The following CLDN18 variants were observed in gnomAD, a reference collection of about 807,000 sequenced individuals.
CLDN18 encodes the protein claudin 18.
Under a neutral mutation model 25.0 loss-of-function variants are expected in CLDN18, and 20 were observed. The ratio of observed to expected loss-of-function variants is 0.80; its 90% confidence interval spans 0.56 to 1.16. The LOEUF (loss-of-function observed/expected upper bound fraction) is 1.16. Among genes scored for constraint, CLDN18 ranks in the 50% most tolerant of loss-of-function variants. The pLI is 0.00. For synonymous variants in CLDN18, 125 were observed against 135.6 expected (o/e 0.92, Z 0.54); for missense variants, 297 against 345.4 (o/e 0.86, Z 1.11).
rs1942030230 is a variant in CLDN18, at chr3:138,002,559, G to A, written c.220+3471G>A. 2.0e-5 allele frequency among the ~76,000 whole-genome samples: 3 copies of A among 152,316 alleles called. No homozygotes were observed. The South Asian group carries it at 6.2e-4, about 32-fold the overall frequency. On this transcript the variant is annotated intron_variant, in intron 1 of 4. Coordinates refer to the CLDN18 transcript ENST00000343735. ...ACACCAACATAAACATAATCCATAA[G>A]TAGCCAGCCAAAGGATCTGGAACAT... is the stretch of plus-strand genomic sequence containing the variant.
Position 138,033,023 on chromosome 3 carries a change from G to C in CLDN18, c.*1882G>C, listed in dbSNP as rs1350517321. ...TGGTGCAGGGGAACTTGGCCATTAG[G>C]TTATTATTTGAGAGGAAAGTCCTCA... On this transcript the variant is annotated 3_prime_UTR_variant, in exon 5 of 5. Coordinates refer to ENST00000183605, the MANE Select transcript of CLDN18 (RefSeq NM_016369.4). 1.3e-5 allele frequency: 2 copies of C among 152,184 alleles called. No homozygotes were observed. The highest frequency in any genetic ancestry group is 1.5e-5 in the Non-Finnish European group (1 of 68,040). 9.4% of individuals were successfully genotyped at this position (152,184 alleles called of 1,614,324 possible).
At chr3:138,002,414 G>A (rs1241858449) in intron 1 of CLDN18, among the ~76,000 whole-genome samples, 1 of 152,202 alleles carries the variant, frequency 6.6e-6, no homozygotes, top group Non-Finnish European at 1.5e-5. Context: ...CTGACCGCCA[G>A]CGTGCAGGCA....
At chr3:137,999,236 G>A (rs899358373) in intron 1 of CLDN18, 15 of 690,430 alleles carry the variant, frequency 2.2e-5, no homozygotes, top group African/African-American at 7.1e-5. Flanking sequence ...CTGCACCAGG[G>A]TGGAATAGGA....
intron 1 of CLDN18, among the ~76,000 whole-genome samples, chr3:138,004,250 G>A (rs187000466): frequency 1.3e-5 from 2 of 152,264 alleles, no homozygotes; most frequent in Admixed American, 1.3e-4. Context: ...CCATTTTATA[G>A]GTGAGGAAAC....
intron 1 of CLDN18, among the ~76,000 whole-genome samples, chr3:138,000,521 AGGTTGGTTGTTTGGTTGGTT>A: frequency 6.6e-6 from 1 of 152,176 alleles, no homozygotes; most frequent in South Asian, 2.1e-4. Flanking sequence ...AGCCATTGAG[AGGTTGGTTGTTTGGTTGGTT>A]GGTTGGTTGG....
intron 1 of CLDN18, among the ~76,000 whole-genome samples, chr3:138,013,068 A>G (rs1019327047): frequency 2.6e-5 from 4 of 152,244 alleles, no homozygotes; most frequent in African/African-American, 7.2e-5. Flanking sequence ...GTGAGTATTT[A>G]GCAAAGGATT....
At chr3:138,025,945 A>G (rs1942322368) in intron 3 of CLDN18, among the ~76,000 whole-genome samples, 1 of 152,110 alleles carries the variant, frequency 6.6e-6, no homozygotes. Context: ...TCATCTCCCT[A>G]GCACCAGCTC....
chr3:138,006,710 G>A (rs1193404362), upstream of CLDN18, among the ~76,000 whole-genome samples: 2 of 152,164 alleles, frequency 1.3e-5, no homozygotes, highest in African/African-American at 4.8e-5. Flanking sequence ...ACCAGGAAGT[G>A]AAAAATCCTA....
intron 1 of CLDN18, among the ~76,000 whole-genome samples, chr3:138,001,526 T>TC (rs1942016074): frequency 6.6e-6 from 1 of 151,946 alleles, no homozygotes; most frequent in South Asian, 2.1e-4. Context: ...CCGGCAACAT[T>TC]CCCCCATTCT....
chr3:138,009,893 G>A (rs1249824626), upstream of CLDN18: 1 of 304,506 alleles, frequency 3.3e-6, no homozygotes, highest in African/African-American at 2.1e-5. Context: ...TCCAGATGGC[G>A]GCGCTCTCCG....
chr3:138,009,097 T>A (rs1173883461), upstream of CLDN18, among the ~76,000 whole-genome samples: 2 of 152,178 alleles, frequency 1.3e-5, no homozygotes, highest in Non-Finnish European at 2.9e-5. Context: ...CCAATTCTAG[T>A]GAAAACTTTT....
chr3:138,015,953 G>T (rs978584382), intron 1 of CLDN18, among the ~76,000 whole-genome samples: 1 of 152,184 alleles, frequency 6.6e-6, no homozygotes, highest in African/African-American at 2.4e-5. Flanking sequence ...GGTGGTGGTA[G>T]CAGGACTGTA....
chr3:138,017,290 C>A (rs570038089), intron 1 of CLDN18, among the ~76,000 whole-genome samples: 1 of 152,262 alleles, frequency 6.6e-6, no homozygotes, highest in African/African-American at 2.4e-5. Context: ...TACCCGTGTT[C>A]TGAGCACCTC....
intron 1 of CLDN18, among the ~76,000 whole-genome samples, chr3:138,018,735 A>G (rs935120511): frequency 6.6e-6 from 1 of 152,194 alleles, no homozygotes; most frequent in Non-Finnish European, 1.5e-5. Context: ...TTCAACATAT[A>G]AATTTTGGAG....
chr3:137,999,642 G>T (rs1484971995), intron 1 of CLDN18, among the ~76,000 whole-genome samples: 1 of 152,196 alleles, frequency 6.6e-6, no homozygotes, highest in Non-Finnish European at 1.5e-5. Flanking sequence ...GGGGCTCCAG[G>T]TTCCCGATCT....
At chr3:138,028,460 C>T (rs979331716) in intron 3 of CLDN18, among the ~76,000 whole-genome samples, 10 of 152,304 alleles carry the variant, frequency 6.6e-5, no homozygotes, top group South Asian at 2.1e-4. Flanking sequence ...GTTGGTATAA[C>T]GTTCTTAGCT....
chr3:138,013,690 T>A (rs1218788459), intron 1 of CLDN18, among the ~76,000 whole-genome samples: 1 of 152,238 alleles, frequency 6.6e-6, no homozygotes, highest in Admixed American at 6.5e-5. Context: ...CTTCCTGGGC[T>A]GCAACACATC....
chr3:138,013,089 G>C (rs956489019), intron 1 of CLDN18, among the ~76,000 whole-genome samples: 5 of 152,190 alleles, frequency 3.3e-5, no homozygotes, highest in African/African-American at 1.2e-4. Context: ...GATAAACTAA[G>C]TTGAATTAAA....
chr3:138,028,228 C>T (rs1336682408), intron 3 of CLDN18, among the ~76,000 whole-genome samples: 1 of 152,144 alleles, frequency 6.6e-6, no homozygotes, highest in Non-Finnish European at 1.5e-5. Flanking sequence ...CCACACCTGG[C>T]TAATTTTTGT....
Sources: gnomAD v4.1 joint callset for allele counts (sites outside exome capture counted in the v4.1 genomes callset) on GRCh38, gnomAD v4.1.1 for gene constraint, MANE v1.5 for transcripts, NCBI Gene and HGNC (gene_info 2026-07-23, HGNC 2026-07-21) for gene names.